CNTNAP2: variants seen among roughly 807,000 people sequenced by gnomAD.
CNTNAP2 encodes contactin-associated protein-like 2.
In CNTNAP2, 98 loss-of-function variants were observed where a neutral mutation model predicts 155.2. That is an observed-to-expected ratio of 0.63 (90% confidence interval 0.54 to 0.75). The LOEUF (loss-of-function observed/expected upper bound fraction) is 0.75, where lower values mean the gene tolerates loss of function less well. Ranked by LOEUF, CNTNAP2 falls within the 30% of genes least tolerant of loss-of-function variation. The pLI, the probability that CNTNAP2 is intolerant of heterozygous loss-of-function variation, is 0.00. For synonymous variants in CNTNAP2, 651 were observed against 631.2 expected (o/e 1.03, Z -0.47); for missense variants, 1,727 against 1,688.1 (o/e 1.02, Z -0.40).
At position 148,198,673 on chromosome 7, in the gene CNTNAP2, C is replaced by T. The variant is rs549895608; in HGVS notation, c.3011-18615C>T. On this transcript the variant is annotated intron_variant, in intron 18 of 23. Transcript: ENST00000361727. Reference sequence around the variant, plus strand: ...TCAGATGTGCCCTTTCAGAAGTGGTCGCCCTTTCAGATATGTCCTTGTCTT... The same window carrying T: ...TCAGATGTGCCCTTTCAGAAGTGGTTGCCCTTTCAGATATGTCCTTGTCTT... 7.8e-4 allele frequency among the ~76,000 whole-genome samples: 119 copies of T among 152,320 alleles called. 1 individual carries two copies. The highest frequency in any genetic ancestry group is 7.3e-3 in the South Asian group (35 of 4,826).
chr7:146,362,068 G>A (rs1795090087), intron 1 of CNTNAP2, among the ~76,000 whole-genome samples: 3 of 152,082 alleles, frequency 2.0e-5, no homozygotes, highest in Admixed American at 2.0e-4. Context: ...GGTTTTGTGT[G>A]TATTGCTTGA....
At chr7:146,280,037 A>C (rs192733241) in intron 1 of CNTNAP2, among the ~76,000 whole-genome samples, 2 of 152,112 alleles carry the variant, frequency 1.3e-5, no homozygotes, top group African/African-American at 2.4e-5. Context: ...CTATACCAAC[A>C]TGTTCAATTA....
chr7:146,585,793 G>A (rs1798682167), intron 1 of CNTNAP2, among the ~76,000 whole-genome samples: 1 of 151,106 alleles, frequency 6.6e-6, no homozygotes, highest in African/African-American at 2.4e-5. Flanking sequence ...GAAGGGGAGG[G>A]AAGGAAGGAA....
chr7:146,461,499 AG>A (rs1439823185), intron 1 of CNTNAP2, among the ~76,000 whole-genome samples: 1 of 152,080 alleles, frequency 6.6e-6, no homozygotes, highest in East Asian at 1.9e-4. Context: ...AATAACTTTT[AG>A]TAGCATTTGT....
intron 11 of CNTNAP2, among the ~76,000 whole-genome samples, chr7:147,486,260 G>T (rs1350270786): frequency 6.6e-6 from 1 of 152,092 alleles, no homozygotes; most frequent in East Asian, 1.9e-4. Flanking sequence ...TCAAAAAGAA[G>T]GACCAGCATT....
chr7:147,607,427 TC>T (rs563895072), intron 12 of CNTNAP2, among the ~76,000 whole-genome samples: 13 of 150,238 alleles, frequency 8.7e-5, no homozygotes, highest in Admixed American at 4.6e-4. Context: ...TCTCTCTCTC[TC>T]TCTTCTTTCT....
intron 11 of CNTNAP2, among the ~76,000 whole-genome samples, chr7:147,497,307 A>C (rs1798726600): frequency 1.3e-5 from 2 of 152,160 alleles, no homozygotes; most frequent in Middle Eastern, 3.4e-3. Flanking sequence ...AAATATGCCT[A>C]CTCTACTCTT....
intron 13 of CNTNAP2, among the ~76,000 whole-genome samples, chr7:147,689,531 T>C (rs1796059553): frequency 1.3e-5 from 2 of 152,206 alleles, no homozygotes; most frequent in Non-Finnish European, 2.9e-5. Flanking sequence ...CTTTACACAT[T>C]TGTCCGATTT....
At chr7:146,811,118 G>A (rs906785560) in intron 2 of CNTNAP2, among the ~76,000 whole-genome samples, 10 of 152,058 alleles carry the variant, frequency 6.6e-5, no homozygotes, top group African/African-American at 2.4e-4. Flanking sequence ...ATCCTTATCT[G>A]GCTTTGATAT....
At chr7:148,363,737 T>C (rs1032101886) in intron 21 of CNTNAP2, among the ~76,000 whole-genome samples, 4 of 152,142 alleles carry the variant, frequency 2.6e-5, no homozygotes, top group East Asian at 1.9e-4. Flanking sequence ...AGCCCTTCAG[T>C]CCCCCACTGC....
Position 146,225,565 on chromosome 7 carries a change from A to G in CNTNAP2, c.97+108592A>G, listed in dbSNP as rs1007226097. On this transcript the variant is annotated intron_variant, in intron 1 of 23. Transcript: ENST00000361727. ...ACTGTGTATCTAAGCCACTCTAACC[A>G]AATAGAAGAAAACCTTCTACATATT... Among the ~76,000 whole-genome samples, 37 of 151,704 alleles carry G rather than the reference A, an allele frequency of 2.4e-4. No homozygotes were observed. The Middle Eastern group carries it at 0.01, about 42-fold the overall frequency.
At chr7:146,329,349 A>T (rs1320954044) in intron 1 of CNTNAP2, among the ~76,000 whole-genome samples, 2 of 152,222 alleles carry the variant, frequency 1.3e-5, no homozygotes, top group African/African-American at 4.8e-5. Flanking sequence ...ATAAGTGGCT[A>T]TGGAAATTAT....
chr7:147,568,750 C>G (rs772437602), intron 12 of CNTNAP2, among the ~76,000 whole-genome samples: 6 of 152,098 alleles, frequency 3.9e-5, no homozygotes, highest in African/African-American at 1.4e-4. Flanking sequence ...TTACCAGCAT[C>G]CTCTCCCTAG....
At chr7:146,993,734 T>C (rs1222175657) in intron 3 of CNTNAP2, among the ~76,000 whole-genome samples, 10 of 152,138 alleles carry the variant, frequency 6.6e-5, no homozygotes, top group Non-Finnish European at 1.5e-4. Flanking sequence ...TTGTACATAT[T>C]AAATATGTAC....
At chr7:147,198,592 G>A (rs535608607) in intron 8 of CNTNAP2, among the ~76,000 whole-genome samples, 260 of 152,260 alleles carry the variant, frequency 1.7e-3, no homozygotes, top group Admixed American at 2.9e-3. Flanking sequence ...AAGACAAATT[G>A]CAATTTGCGG....
chr7:146,658,815 A>G (rs1800036532), intron 1 of CNTNAP2, among the ~76,000 whole-genome samples: 1 of 152,232 alleles, frequency 6.6e-6, no homozygotes, highest in Admixed American at 6.5e-5. Flanking sequence ...ACGTCAGGGT[A>G]CAAGTCGAGA....
At chr7:146,958,424 T>C (rs11977345) in intron 3 of CNTNAP2, among the ~76,000 whole-genome samples, 2 of 139,240 alleles carry the variant, frequency 1.4e-5, no homozygotes, top group Admixed American at 1.4e-4. Flanking sequence ...TTTTTTTTTT[T>C]TTTTTTTGAG....
chr7:147,415,106 T>A (rs1280615629), intron 10 of CNTNAP2, among the ~76,000 whole-genome samples: 1 of 152,048 alleles, frequency 6.6e-6, no homozygotes, highest in Non-Finnish European at 1.5e-5. Flanking sequence ...GAATAATCCC[T>A]AAAGCCCTAC....
At chr7:146,614,047 C>G (rs1464474969) in intron 1 of CNTNAP2, among the ~76,000 whole-genome samples, 1 of 152,126 alleles carries the variant, frequency 6.6e-6, no homozygotes, top group African/African-American at 2.4e-5. Context: ...TTCTTGGTTA[C>G]TACTATCTCT....
Sources: allele counts gnomAD v4.1 joint callset (sites outside exome capture counted in the v4.1 genomes callset), GRCh38; gene constraint gnomAD v4.1.1; transcripts MANE v1.5; gene names NCBI Gene and HGNC (gene_info 2026-07-23, HGNC 2026-07-21).